Variants in ARHGAP18 observed in about 807,000 individuals in gnomAD.
ARHGAP18 encodes rho GTPase-activating protein 18.
In ARHGAP18, 67 loss-of-function variants were observed where a neutral mutation model predicts 86.2. The observed-to-expected ratio is 0.78, with a 90% CI of 0.64 to 0.95. The LOEUF (loss-of-function observed/expected upper bound fraction) is 0.95, where lower values mean the gene tolerates loss of function less well. Ranked by LOEUF, ARHGAP18 falls within the 40% of genes least tolerant of loss-of-function variation. The probability of loss-of-function intolerance (pLI) is 0.00; values close to 1 mark genes in which losing one functional copy is unlikely to be tolerated. For missense variants in ARHGAP18, 691 were observed against 780.4 expected, an observed-to-expected ratio of 0.89 and a Z score of 1.37; for synonymous variants, 283 against 280.4, an observed-to-expected ratio of 1.01 and a Z score of -0.09.
intron 1 of ARHGAP18, among the ~76,000 whole-genome samples, chr6:129,649,915 T>TTG (rs1161285023): frequency 2.8e-4 from 16 of 57,994 alleles, no homozygotes; most frequent in African/African-American, 1.1e-3. Flanking sequence ...TTTTTTTTTG[T>TTG]TTTTTTTTTT....
At chr6:129,598,427 C>T (rs1484310442) in intron 12 of ARHGAP18, among the ~76,000 whole-genome samples, 1 of 152,126 alleles carries the variant, frequency 6.6e-6, no homozygotes, top group Non-Finnish European at 1.5e-5. Context: ...TCACATTATT[C>T]CACAAGATGT....
At chr6:129,654,392 G>C (rs1773784910) in intron 1 of ARHGAP18, among the ~76,000 whole-genome samples, 1 of 152,196 alleles carries the variant, frequency 6.6e-6, no homozygotes, top group Non-Finnish European at 1.5e-5. Flanking sequence ...TTATGACCCT[G>C]TCCTAGCTTA....
At chr6:129,693,597 A>G (rs1009879896) in intron 1 of ARHGAP18, among the ~76,000 whole-genome samples, 16 of 152,152 alleles carry the variant, frequency 1.1e-4, no homozygotes, top group African/African-American at 3.6e-4. Context: ...GCCATAGAAA[A>G]TGTCCTCCCT....
intron 5 of ARHGAP18, among the ~76,000 whole-genome samples, chr6:129,625,087 A>ATATAT (rs1789330532): frequency 9.7e-6 from 1 of 103,526 alleles, no homozygotes; most frequent in African/African-American, 3.7e-5. Flanking sequence ...TATATGATAT[A>ATATAT]TGATATATGA....
rs1460771403 is a variant in ARHGAP18, at chr6:129,611,512, TTAG to T, written c.1122+18_1122+20del. 1.2e-6 allele frequency: 2 copies of T among 1,606,798 alleles called. No homozygotes were observed. The highest frequency in any genetic ancestry group is 1.3e-5 in the African/African-American group (1 of 74,772). ...GTAAATAAACAATAAAATGTTTACA[TTAG>T]TAGAACCCAGAGATTACCTTGATTC... On this transcript the variant is annotated intron_variant, in intron 8 of 14. Transcript: ENST00000368149.
chr6:129,631,304 A>ACACCAACGG (rs1197628695), intron 4 of ARHGAP18, among the ~76,000 whole-genome samples: 1 of 152,100 alleles, frequency 6.6e-6, no homozygotes, highest in African/African-American at 2.4e-5. Context: ...ACTCACACCC[A>ACACCAACGG]CACCAACGGA....
At position 129,610,442 on chromosome 6, in the gene ARHGAP18, C is replaced by T. The variant is rs78801138; in HGVS notation, c.1122+1091G>A. On this transcript the variant is annotated intron_variant, in intron 8 of 14. Coordinates refer to ENST00000368149, the MANE Select transcript of ARHGAP18 (RefSeq NM_033515.3). ...AAAAGGCAAGGGAGAAGGGATGGCT[C>T]AAATTGGGAAGTCTAGGAATTATTC... 7.2e-5 allele frequency among the ~76,000 whole-genome samples: 11 copies of T among 152,314 alleles called. No homozygotes were observed. The East Asian group carries it at 2.1e-3, about 29-fold the overall frequency.
At chr6:129,667,172 C>T (rs1395031443) in intron 1 of ARHGAP18, among the ~76,000 whole-genome samples, 1 of 151,940 alleles carries the variant, frequency 6.6e-6, no homozygotes, top group Non-Finnish European at 1.5e-5. Flanking sequence ...ACCTACACTG[C>T]CCCAATTTTA....
At chr6:129,685,048 C>T (rs775699858) in intron 1 of ARHGAP18, among the ~76,000 whole-genome samples, 1 of 152,168 alleles carries the variant, frequency 6.6e-6, no homozygotes, top group Non-Finnish European at 1.5e-5. Flanking sequence ...ACACTGGACA[C>T]AGCGTAGTAA....
chr6:129,638,262 C>A, intron 3 of ARHGAP18, 132 bp downstream of exon 3: 1 of 885,304 alleles, frequency 1.1e-6, no homozygotes, highest in Non-Finnish European at 1.7e-6. Flanking sequence ...TTGTTTCCTG[C>A]AAGCATAGAG....
At chr6:129,604,639 CTT>C (rs1479600197) in intron 10 of ARHGAP18, among the ~76,000 whole-genome samples, 31 of 152,296 alleles carry the variant, frequency 2.0e-4, no homozygotes, top group African/African-American at 7.5e-4. Flanking sequence ...TCTACACACA[CTT>C]ACACAGTAGC....
intron 1 of ARHGAP18, among the ~76,000 whole-genome samples, chr6:129,693,972 T>C (rs1241574230): frequency 6.6e-6 from 1 of 152,150 alleles, no homozygotes; most frequent in African/African-American, 2.4e-5. Flanking sequence ...ATGGCAGAAT[T>C]TTGTAGAAGT....
In ARHGAP18 at chr6:129,577,225, A is replaced by C. The variant is rs1788195132; in HGVS notation, c.*1288T>G. On this transcript the variant is annotated 3_prime_UTR_variant, in exon 15 of 15. Transcript: ENST00000368149. ...TGTAATTATATGCTAAAAATTTATG[A>C]CTGTTCTCATTAACAGCATTCCCCC... The C allele has an allele frequency of 6.6e-6, 1 of 152,138 alleles. No homozygotes were observed. Among genetic ancestry groups the C allele is most frequent in the Non-Finnish European group, 1.5e-5 (1 of 68,010 alleles). 9.4% of individuals were successfully genotyped at this position (152,138 alleles called of 1,614,324 possible).
intron 1 of ARHGAP18, among the ~76,000 whole-genome samples, chr6:129,689,398 C>T (rs1038805497): frequency 2.0e-5 from 3 of 152,104 alleles, no homozygotes; most frequent in African/African-American, 7.2e-5. Flanking sequence ...GGTCAAGCAA[C>T]TCTCCTGCCT....
At chr6:129,599,195 A>G (rs773454493) in intron 12 of ARHGAP18, 21 bp downstream of exon 12, 25 of 1,503,860 alleles carry the variant, frequency 1.7e-5, no homozygotes, top group Non-Finnish European at 1.3e-5. Flanking sequence ...GAATAAATAC[A>G]TATCTCCACT....
chr6:129,663,323 A>G (rs980409310), intron 1 of ARHGAP18, among the ~76,000 whole-genome samples: 2 of 152,248 alleles, frequency 1.3e-5, no homozygotes, highest in African/African-American at 4.8e-5. Flanking sequence ...TCAAAGACAT[A>G]TGTGATAGAT....
Position 129,577,440 on chromosome 6 carries a change from C to G in ARHGAP18, c.*1073G>C, listed in dbSNP as rs1205407411. The G allele has an allele frequency of 6.6e-6, 1 of 152,072 alleles. No homozygotes were observed. The highest frequency in any genetic ancestry group is 2.4e-5 in the African/African-American group (1 of 41,420). 9.4% of individuals were successfully genotyped at this position (152,072 alleles called of 1,614,324 possible). A position where few individuals can be genotyped will look rare whatever the true frequency, so the allele number is the denominator to read the frequency against. ...TACAGTACAGAGGCTCATCTCTTGTCACAATATGGTTTGTGCATTAAAATC... is the reference window on the plus strand; with the variant it reads ...TACAGTACAGAGGCTCATCTCTTGTGACAATATGGTTTGTGCATTAAAATC... On this transcript the variant is annotated 3_prime_UTR_variant, in exon 15 of 15. Transcript: ENST00000368149.
At chr6:129,633,608 G>A (rs1467804529) in intron 4 of ARHGAP18, among the ~76,000 whole-genome samples, 1 of 152,016 alleles carries the variant, frequency 6.6e-6, no homozygotes, top group Non-Finnish European at 1.5e-5. Flanking sequence ...CCCCATATAT[G>A]AATTAGGAGC....
Position 129,612,996 on chromosome 6 carries a change from G to C in ARHGAP18, c.1045-1386C>G, listed in dbSNP as rs923925087. 2.1e-4 allele frequency among the ~76,000 whole-genome samples: 32 copies of C among 152,112 alleles called. 1 individual carries two copies. The highest frequency in any genetic ancestry group is 4.4e-5 in the Non-Finnish European group (3 of 68,024). ...CCCCTGTAATCCCAGCACTTTGGGAGGGCGAGGCGGGCGGATCACAAGGTC... is the reference window on the plus strand; with the variant it reads ...CCCCTGTAATCCCAGCACTTTGGGACGGCGAGGCGGGCGGATCACAAGGTC... On this transcript the variant is annotated intron_variant, in intron 7 of 14. Transcript: ENST00000368149.
Sources: allele counts gnomAD v4.1 joint callset (sites outside exome capture counted in the v4.1 genomes callset), GRCh38; gene constraint gnomAD v4.1.1; transcripts MANE v1.5; gene names NCBI Gene and HGNC (gene_info 2026-07-23, HGNC 2026-07-21).